The following PHRF1 variants were observed in gnomAD, a reference collection of about 807,000 sequenced individuals.
The protein encoded by PHRF1 is PHD and RING finger domain-containing protein 1.
PHRF1 carries 53 observed loss-of-function variants against 128.9 expected under a neutral mutation model. The observed-to-expected ratio is 0.41, with a 90% CI of 0.33 to 0.52. The LOEUF is 0.52. Ranked by LOEUF, PHRF1 falls within the 20% of genes least tolerant of loss-of-function variation. The pLI is 0.21. For synonymous variants in PHRF1, 1,178 were observed against 980.6 expected, an observed-to-expected ratio of 1.20 and a Z score of -3.76; for missense variants, 2,503 against 2,284.5, an observed-to-expected ratio of 1.10 and a Z score of -1.95.
chr11:598,509 C>G lies in PHRF1; in HGVS notation c.1024+7C>G. On this transcript the variant is annotated splice_region_variant and intron_variant, in intron 9 of 17. Transcript: ENST00000264555. ...CGACGGAAGAGGAAGACAAGTAAGC[C>G]TGAAGGGATGGACTCTCCCGCCAGC... is the stretch of plus-strand genomic sequence containing the variant. The G allele has an allele frequency of 6.2e-7, 1 of 1,605,782 alleles. No individual in the cohort carries two copies. The highest frequency in any genetic ancestry group is 8.5e-7 in the Non-Finnish European group (1 of 1,178,300).
chr11:608,234 G>T lies in PHRF1; in HGVS notation c.2778G>T (p.Gln926His), dbSNP rs1421279716. The change falls in exon 14 of 18, where the codon CAG becomes CAT. Residue 926 changes from glutamine (Q) to histidine (H), a missense_variant. Transcript: ENST00000264555. ...AGCGAGAGGAGCCCACAGAGAGCCA[G>T]GGCCTGGCTGCCCGGCTGCGGAGGC... ...DTEREEPTES[Q>H]GLAARLRRPS... 6.2e-7 allele frequency: 1 copy of T among 1,609,938 alleles called. No individual in the cohort carries two copies. Among genetic ancestry groups the T allele is most frequent in the African/African-American group, 1.3e-5 (1 of 75,064 alleles).
Position 607,479 on chromosome 11 carries a change from G to A in PHRF1, c.2023G>A (p.Asp675Asn), listed in dbSNP as rs370290756. 15 of 1,612,786 alleles carry A rather than the reference G, an allele frequency of 9.3e-6. No individual in the cohort carries two copies. Among genetic ancestry groups the A allele is most frequent in the Non-Finnish European group, 1.2e-5 (14 of 1,179,898 alleles). ...CCTGAAGCCAGCGCCCAGAAGAACAGACATCTCTGAGCTACCCAGGATACC... is the reference window on the plus strand; with the variant it reads ...CCTGAAGCCAGCGCCCAGAAGAACAAACATCTCTGAGCTACCCAGGATACC... The part of the protein sequence containing the change: ...PPLKPAPRRT[D>N]ISELPRIPKI... The change falls in exon 14 of 18, where the codon GAC (aspartate) becomes AAC (asparagine). Residue 675 changes from aspartate to asparagine, a missense_variant. Physicochemically the swap from Asp to Asn is conservative, Grantham distance 23. Coordinates refer to ENST00000264555, the MANE Select transcript of PHRF1 (RefSeq NM_001286581.2).
chr11:582,168 G>C (rs1374579227), intron 3 of PHRF1, 87 bp downstream of exon 3: 2 of 1,535,410 alleles, frequency 1.3e-6, no homozygotes, highest in African/African-American at 2.8e-5. Flanking sequence ...CCGTGAGAGT[G>C]CTGTCACCAC....
chr11:590,806 C>G (rs184623036), intron 4 of PHRF1, among the ~76,000 whole-genome samples: 1 of 152,092 alleles, frequency 6.6e-6, no homozygotes, highest in African/African-American at 2.4e-5. Flanking sequence ...CGGGTTCAAA[C>G]GATTCTCCTG....
Position 607,328 on chromosome 11 carries a change from C to G in PHRF1, c.1872C>G (p.Phe624Leu). The G allele has an allele frequency of 6.2e-7, 1 of 1,612,712 alleles. No homozygotes were observed. Among genetic ancestry groups the G allele is most frequent in the Non-Finnish European group, 8.5e-7 (1 of 1,179,886 alleles). The change falls in exon 14 of 18, where the codon TTC becomes TTG. Residue 624 changes from phenylalanine (F) to leucine (L), a missense_variant. Coordinates refer to ENST00000264555, the MANE Select transcript of PHRF1 (RefSeq NM_001286581.2). ...RNLSNGSVPG[F>L]RQSHSPWFNG... Reference sequence around the variant, plus strand: ...TGTCAAATGGGAGTGTGCCTGGCTTCAGACAGAGCCACAGCCCCTGGTTCA... The same window carrying G: ...TGTCAAATGGGAGTGTGCCTGGCTTGAGACAGAGCCACAGCCCCTGGTTCA...
rs374861929 is a variant in PHRF1 at position 608,396 on chromosome 11, C to T, written c.2940C>T (p.Ala980=). ...APPSPDVLQA[A]THRVVELRPP... Reference sequence around the variant, plus strand: ...CCAGCCCGGACGTGCTGCAGGCTGCCACCCACAGAGTCGTGGAGCTCAGGC... The same window carrying T: ...CCAGCCCGGACGTGCTGCAGGCTGCTACCCACAGAGTCGTGGAGCTCAGGC... Residue 980 remains alanine (A), a synonymous_variant, in exon 14 of 18, where the codon GCC becomes GCT. Coordinates refer to ENST00000264555, the MANE Select transcript of PHRF1 (RefSeq NM_001286581.2). 8.7e-6 allele frequency: 14 copies of T among 1,611,774 alleles called. No homozygotes were observed. The highest frequency in any genetic ancestry group is 9.3e-6 in the Non-Finnish European group (11 of 1,179,616).
At chr11:586,705 G>A (rs911461649) in intron 3 of PHRF1, among the ~76,000 whole-genome samples, 3 of 152,222 alleles carry the variant, frequency 2.0e-5, no homozygotes, top group Non-Finnish European at 2.9e-5. Context: ...GAACCACTCC[G>A]AATTGGCCAG....
At chr11:576,984 T>C (rs1329023900) in intron 1 of PHRF1, among the ~76,000 whole-genome samples, 1 of 151,942 alleles carries the variant, frequency 6.6e-6, no homozygotes. Flanking sequence ...CCCACTCGCC[T>C]CGCTCTGTGG....
intron 5 of PHRF1, among the ~76,000 whole-genome samples, chr11:592,209 C>T (rs1257511786): frequency 6.6e-6 from 1 of 151,710 alleles, no homozygotes. Context: ...GCCAACGTGC[C>T]CAGCCTTTTT....
intron 2 of PHRF1, 140 bp downstream of exon 2, chr11:581,746 G>A: frequency 2.9e-6 from 3 of 1,028,984 alleles, no homozygotes; most frequent in Non-Finnish European, 4.1e-6. Flanking sequence ...TGCGGAAGTA[G>A]TGTATTGTTT....
At chr11:599,479 G>A (rs1341272087) in intron 9 of PHRF1, among the ~76,000 whole-genome samples, 2 of 152,002 alleles carry the variant, frequency 1.3e-5, no homozygotes, top group South Asian at 2.1e-4. Context: ...TTGAACTCCC[G>A]ACCTCAGGTG....
chr11:580,309 G>T (rs61170993), intron 1 of PHRF1, among the ~76,000 whole-genome samples: 29 of 152,316 alleles, frequency 1.9e-4, no homozygotes, highest in Non-Finnish European at 3.8e-4. Flanking sequence ...GGAAGGAGGA[G>T]CGTGTCCAAC....
rs754757868 is a variant in PHRF1, at chr11:608,397, A to G, written c.2941A>G (p.Thr981Ala). ...PPSPDVLQAATHRVVELRPPS... is the reference protein window; with the variant it reads ...PPSPDVLQAAAHRVVELRPPS... ...CAGCCCGGACGTGCTGCAGGCTGCC[A>G]CCCACAGAGTCGTGGAGCTCAGGCC... is the stretch of plus-strand genomic sequence containing the variant. Residue 981 changes from threonine (T) to alanine (A), a missense_variant, in exon 14 of 18, where the codon ACC (threonine) becomes GCC (alanine). Coordinates refer to ENST00000264555, the MANE Select transcript of PHRF1 (RefSeq NM_001286581.2). 3.1e-6 allele frequency: 5 copies of G among 1,611,694 alleles called. No individual in the cohort carries two copies. The highest frequency in any genetic ancestry group is 3.3e-5 in the Admixed American group (2 of 59,898).
In PHRF1 at chr11:610,521, G is replaced by A. The variant is rs772588289; in HGVS notation, c.4437G>A (p.Pro1479=). 2.2e-5 allele frequency: 35 copies of A among 1,603,638 alleles called. No individual in the cohort carries two copies. Among genetic ancestry groups the A allele is most frequent in the Middle Eastern group, 1.7e-4 (1 of 6,032 alleles). ...CCCAGGTTTACAGCCCCGGCCTGCCGCCTGCCCCGGCCCAGCCCTCAAGCA... is the reference window on the plus strand; with the variant it reads ...CCCAGGTTTACAGCCCCGGCCTGCCACCTGCCCCGGCCCAGCCCTCAAGCA... ...DPSQVYSPGL[P]PAPAQPSSIP... The change falls in exon 16 of 18, where the codon CCG becomes CCA. Residue 1479 remains proline, a synonymous_variant. Transcript: ENST00000264555.
chr11:595,746 CAGT>C (rs889371404), intron 6 of PHRF1, among the ~76,000 whole-genome samples: 5 of 152,244 alleles, frequency 3.3e-5, no homozygotes, highest in Non-Finnish European at 7.3e-5. Context: ...TGCTGGAGCT[CAGT>C]GGTGGGAAAG....
chr11:597,107 T>C lies in PHRF1; in HGVS notation c.718+87T>C. On this transcript the variant is annotated intron_variant, in intron 7 of 17. Transcript: ENST00000264555. The surrounding 1 kb of genome is among the most constrained non-coding windows in gnomAD (Gnocchi z 6.5). ...CCCGGGGTTAGGTTTGGCTGCTGTG[T>C]GGGGAGGACATCTAGGGCTGTCTCA... 7.3e-7 allele frequency: 1 copy of C among 1,375,696 alleles called. No individual in the cohort carries two copies. Among genetic ancestry groups the C allele is most frequent in the Non-Finnish European group, 1.0e-6 (1 of 991,538 alleles). The allele number at this position is 1,375,696 out of a possible 1,614,324, so 85.2% of individuals were successfully genotyped here.
At position 587,452 on chromosome 11, in the gene PHRF1, C is replaced by T. The variant is rs61746669; in HGVS notation, c.408C>T (p.Val136=). ...ATTACTTCTGCCTGGACTGCATTGT[C>T]GAATGGTCCAAGGTGAGTTCACCTC... ...CAHYFCLDCI[V]EWSKNANSCP... The change falls in exon 4 of 18, where the codon GTC becomes GTT. Residue 136 remains valine (V), a synonymous_variant. Coordinates refer to ENST00000264555, the MANE Select transcript of PHRF1 (RefSeq NM_001286581.2). The T allele has an allele frequency of 1.6e-3, 2,637 of 1,613,218 alleles. 39 individuals carry two copies. The African/African-American group carries it at 0.029, about 18-fold the overall frequency.
chr11:584,871 C>T (rs933392847), intron 3 of PHRF1, among the ~76,000 whole-genome samples: 6 of 151,452 alleles, frequency 4.0e-5, no homozygotes, highest in African/African-American at 7.3e-5. Context: ...TCGAGTAGCT[C>T]GGATTACAGG....
intron 6 of PHRF1, among the ~76,000 whole-genome samples, chr11:595,589 G>A (rs973748605): frequency 1.3e-5 from 2 of 152,134 alleles, no homozygotes; most frequent in East Asian, 1.9e-4. Context: ...CCTTGTCCCC[G>A]TGCTCGTATT....
Sources: allele counts gnomAD v4.1 joint callset (sites outside exome capture counted in the v4.1 genomes callset), GRCh38; gene constraint gnomAD v4.1.1; non-coding constraint Gnocchi (gnomAD v3.1); transcripts MANE v1.5; gene names NCBI Gene and HGNC (gene_info 2026-07-23, HGNC 2026-07-21).